RGPD2: variants seen among roughly 807,000 people sequenced by gnomAD.
RGPD2 encodes the protein RANBP2-like and GRIP domain-containing protein 2.
In RGPD2, 2 loss-of-function variants were observed where a neutral mutation model predicts 36.0. The observed-to-expected ratio is 0.06, with a 90% CI of 0.02 to 0.17. RGPD2 has a LOEUF of 0.17. Ranked by LOEUF, RGPD2 falls within the 10% of genes least tolerant of loss-of-function variation. The pLI is 1.00. For synonymous variants in RGPD2, 19 were observed against 163.8 expected (o/e 0.12, Z 6.75); for missense variants, 40 against 464.3 (o/e 0.09, Z 8.40).
chr2:87,877,804 C>CAAAAAAAAAAAAA, the RGPD2 span, among the ~76,000 whole-genome samples: 136 of 84,432 alleles, frequency 1.6e-3, no homozygotes, highest in Non-Finnish European at 2.1e-3. Context: ...GACTCCGTCT[C>CAAAAAAAAAAAAA]AAAAAAAAAA....
chr2:87,869,725 A>G, the RGPD2 span, among the ~76,000 whole-genome samples: 2 of 152,236 alleles, frequency 1.3e-5, no homozygotes, highest in Non-Finnish European at 2.9e-5. Flanking sequence ...TTTGAGTAGC[A>G]TTGCTTTATA....
the RGPD2 span, among the ~76,000 whole-genome samples, chr2:87,967,299 G>A: frequency 0.024 from 2,673 of 109,462 alleles, 15 homozygotes; most frequent in East Asian, 0.081. Flanking sequence ...TCCTAGCTAC[G>A]TGGGAGGCTG....
At chr2:87,915,549 T>C in the RGPD2 span, among the ~76,000 whole-genome samples, 1 of 143,616 alleles carries the variant, frequency 7.0e-6, no homozygotes, top group Non-Finnish European at 1.5e-5. Flanking sequence ...CATATATATG[T>C]GTATGTGTAT....
At chr2:87,919,425 C>G in the RGPD2 span, among the ~76,000 whole-genome samples, 1 of 151,832 alleles carries the variant, frequency 6.6e-6, no homozygotes, top group Non-Finnish European at 1.5e-5. Flanking sequence ...TCTGACTGGC[C>G]CTGAAGAGGA....
At chr2:87,979,244 A>AAAAG in the RGPD2 span, among the ~76,000 whole-genome samples, 1 of 126,982 alleles carries the variant, frequency 7.9e-6, no homozygotes, top group Non-Finnish European at 1.7e-5. Context: ...CCTCCCCCAA[A>AAAAG]AAAAGAAAAT....
chr2:87,805,911 C>A (rs1262384598), intron 7 of RGPD2, among the ~76,000 whole-genome samples: 6 of 145,060 alleles, frequency 4.1e-5, no homozygotes, highest in African/African-American at 1.5e-4. Flanking sequence ...GGCCTGTAAT[C>A]CCAGCACTTT....
chr2:87,961,324 A>G, the RGPD2 span, among the ~76,000 whole-genome samples: 1 of 152,162 alleles, frequency 6.6e-6, no homozygotes, highest in African/African-American at 2.4e-5. Flanking sequence ...GCACTTGTGT[A>G]CTGCGTCAGC....
At chr2:87,977,749 G>A in the RGPD2 span, among the ~76,000 whole-genome samples, 4 of 152,074 alleles carry the variant, frequency 2.6e-5, no homozygotes, top group African/African-American at 9.7e-5. Context: ...CAAAGCAATT[G>A]TAAATATAAA....
chr2:87,932,632 G>A, the RGPD2 span, among the ~76,000 whole-genome samples: 42 of 150,086 alleles, frequency 2.8e-4, no homozygotes, highest in African/African-American at 1.0e-3. Flanking sequence ...AGGAGCTCTT[G>A]TAAGGCAGTT....
At chr2:87,943,971 A>G in the RGPD2 span, among the ~76,000 whole-genome samples, 1 of 152,054 alleles carries the variant, frequency 6.6e-6, no homozygotes, top group Non-Finnish European at 1.5e-5. Flanking sequence ...CAATTGGTCT[A>G]TGTTTTCTGT....
the RGPD2 span, among the ~76,000 whole-genome samples, chr2:87,923,427 C>T: frequency 6.6e-6 from 1 of 152,254 alleles, no homozygotes; most frequent in African/African-American, 2.4e-5. Context: ...GCTTTTCTAT[C>T]GGCCTCCTAT....
chr2:87,842,304 G>C, the RGPD2 span, among the ~76,000 whole-genome samples: 28 of 146,428 alleles, frequency 1.9e-4, 2 homozygotes, highest in African/African-American at 7.6e-4. Flanking sequence ...TGTATATCTA[G>C]AAAACCACAT....
At chr2:87,760,849 C>A (rs1243837168) in intron 22 of RGPD2, among the ~76,000 whole-genome samples, 1 of 144,504 alleles carries the variant, frequency 6.9e-6, no homozygotes, top group African/African-American at 2.5e-5. Context: ...GATCTCCTGA[C>A]CTTGCGATCT....
upstream of RGPD2, among the ~76,000 whole-genome samples, chr2:87,830,036 G>T (rs1574037304): frequency 6.9e-6 from 1 of 144,468 alleles, no homozygotes; most frequent in Non-Finnish European, 1.5e-5. Flanking sequence ...GAAGGCATTG[G>T]GTAAATACAC....
At chr2:87,854,814 T>C in the RGPD2 span, among the ~76,000 whole-genome samples, 15 of 152,176 alleles carry the variant, frequency 9.9e-5, no homozygotes, top group African/African-American at 2.4e-4. Context: ...TTTACAAATA[T>C]AAATAAAGCT....
At chr2:87,986,427 C>T in the RGPD2 span, among the ~76,000 whole-genome samples, 1 of 151,036 alleles carries the variant, frequency 6.6e-6, no homozygotes, top group Non-Finnish European at 1.5e-5. Context: ...GCCACTGTGC[C>T]CAGCCAAGGA....
chr2:87,870,398 TA>T, the RGPD2 span, among the ~76,000 whole-genome samples: 29 of 151,682 alleles, frequency 1.9e-4, no homozygotes, highest in South Asian at 3.5e-3. Flanking sequence ...GGGCCAAATA[TA>T]AAAAAAAACT....
the RGPD2 span, among the ~76,000 whole-genome samples, chr2:87,929,103 C>T: frequency 6.6e-6 from 1 of 151,788 alleles, no homozygotes; most frequent in Non-Finnish European, 1.5e-5. Flanking sequence ...GTTTTGGCAT[C>T]TTCCTCATGA....
the RGPD2 span, among the ~76,000 whole-genome samples, chr2:87,868,688 T>C: frequency 1.1e-4 from 17 of 152,100 alleles, no homozygotes; most frequent in Admixed American, 1.1e-3. Flanking sequence ...CATACTTCTA[T>C]CTCAAGTCCT....
Sources: allele counts gnomAD v4.1 joint callset (sites outside exome capture counted in the v4.1 genomes callset), GRCh38; gene constraint gnomAD v4.1.1; transcripts MANE v1.5; gene names NCBI Gene and HGNC (gene_info 2026-07-23, HGNC 2026-07-21).